KIAA0825: variants seen among roughly 807,000 people sequenced by gnomAD.
KIAA0825 encodes the protein uncharacterized protein KIAA0825.
KIAA0825 carries 119 observed loss-of-function variants against 147.6 expected under a neutral mutation model. That is an observed-to-expected ratio of 0.81 (90% CI 0.69 to 0.94). The LOEUF (loss-of-function observed/expected upper bound fraction) is 0.94, where lower values mean the gene tolerates loss of function less well. KIAA0825 is among the 40% of genes least tolerant of loss of function. The pLI is 0.00. For missense variants in KIAA0825, 1,381 were observed against 1,472.7 expected (o/e 0.94, Z 1.02); for synonymous variants, 470 against 518.1 (o/e 0.91, Z 1.26).
At chr5:94,515,395 T>A (rs949953141) in intron 5 of KIAA0825, among the ~76,000 whole-genome samples, 9 of 152,206 alleles carry the variant, frequency 5.9e-5, no homozygotes, top group Admixed American at 3.3e-4. Flanking sequence ...ATGCTAATTG[T>A]AAATTTCTAG....
At chr5:94,194,554 C>A (rs1770962200) in intron 20 of KIAA0825, among the ~76,000 whole-genome samples, 1 of 152,294 alleles carries the variant, frequency 6.6e-6, no homozygotes, top group East Asian at 1.9e-4. Context: ...AATATTCCAC[C>A]TCCAAGCCAA....
intron 5 of KIAA0825, among the ~76,000 whole-genome samples, chr5:94,487,875 G>T (rs1345968177): frequency 1.3e-5 from 2 of 152,132 alleles, no homozygotes; most frequent in Non-Finnish European, 2.9e-5. Context: ...GATCACCTGA[G>T]CCCGGAAAGT....
At chr5:94,367,395 G>A (rs1746020676) in intron 20 of KIAA0825, among the ~76,000 whole-genome samples, 1 of 152,158 alleles carries the variant, frequency 6.6e-6, no homozygotes, top group African/African-American at 2.4e-5. Context: ...CTACTTAGGA[G>A]GCTGAGGCAG....
At chr5:94,160,269 G>T (rs1767425642) in intron 20 of KIAA0825, among the ~76,000 whole-genome samples, 3 of 151,824 alleles carry the variant, frequency 2.0e-5, no homozygotes, top group Admixed American at 1.3e-4. Context: ...ATGTAATTCA[G>T]CATCTTTAAA....
intron 2 of KIAA0825, among the ~76,000 whole-genome samples, chr5:94,548,393 A>ATCTT (rs1175528001): frequency 6.6e-6 from 1 of 152,170 alleles, no homozygotes; most frequent in Non-Finnish European, 1.5e-5. Flanking sequence ...GTAACCTCAA[A>ATCTT]TCTAAAAAAC....
rs998793550 is a variant in KIAA0825, at chr5:94,427,780, G to C, written c.2498-10415C>G. On this transcript the variant is annotated intron_variant, in intron 14 of 20. Transcript: ENST00000682413. Reference sequence around the variant, plus strand: ...ACTCCCCCACTATTTTTGTGTGGCTGTCTAAACCTTTTCATAGGTCTAGAT... The same window carrying C: ...ACTCCCCCACTATTTTTGTGTGGCTCTCTAAACCTTTTCATAGGTCTAGAT... Among the ~76,000 whole-genome samples the C allele has an allele frequency of 5.3e-5, 8 of 152,088 alleles. No homozygotes were observed. The South Asian group carries it at 1.7e-3, about 32-fold the overall frequency.
intron 20 of KIAA0825, among the ~76,000 whole-genome samples, chr5:94,201,131 G>A (rs1032378318): frequency 1.3e-5 from 2 of 150,264 alleles, no homozygotes; most frequent in Non-Finnish European, 3.0e-5. Context: ...TGAAGTGGAA[G>A]GAACAGGTGC....
chr5:94,281,838 G>A (rs1287690340), intron 20 of KIAA0825, among the ~76,000 whole-genome samples: 3 of 151,948 alleles, frequency 2.0e-5, no homozygotes, highest in South Asian at 2.1e-4. Context: ...GCTGCTGTAC[G>A]GAGACCTATC....
At chr5:94,224,241 C>T (rs1189219519) in intron 20 of KIAA0825, among the ~76,000 whole-genome samples, 5 of 151,118 alleles carry the variant, frequency 3.3e-5, no homozygotes, top group East Asian at 3.9e-4. Flanking sequence ...GGATTACAGC[C>T]GCCCACCACC....
Position 94,433,041 on chromosome 5 carries a change from T to C in KIAA0825, c.2497+6941A>G, listed in dbSNP as rs966854674. 3.9e-5 allele frequency among the ~76,000 whole-genome samples: 6 copies of C among 152,280 alleles called. No homozygotes were observed. In the East Asian group the frequency reaches 1.2e-3, roughly 29 times the overall value. On this transcript the variant is annotated intron_variant, in intron 14 of 20. Transcript: ENST00000682413. ...GATTCATTCATTTTATTTTATTTTA[T>C]TTTATTTTTTGAGATGGAGTCTCGC...
rs1229327335 is a variant in KIAA0825 at position 94,366,641 on chromosome 5, G to T, written c.3710+17727C>A. On this transcript the variant is annotated intron_variant, in intron 20 of 20. Transcript: ENST00000682413. ...GCCTTGTACTAAATACCTGCTAAAG[G>T]TTAAGTTTTTCTTATTTTCCCAGCC... is the stretch of plus-strand genomic sequence containing the variant. 3.3e-5 allele frequency among the ~76,000 whole-genome samples: 5 copies of T among 152,230 alleles called. No individual in the cohort carries two copies. The East Asian group carries it at 9.6e-4, about 29-fold the overall frequency.
chr5:94,605,140 T>C (rs1787255153), intron 1 of KIAA0825, among the ~76,000 whole-genome samples: 1 of 152,120 alleles, frequency 6.6e-6, no homozygotes, highest in Non-Finnish European at 1.5e-5. Flanking sequence ...TAAACACCTC[T>C]ATGTAAATGA....
At position 94,233,111 on chromosome 5, in the gene KIAA0825, G is replaced by A. The variant is rs551204129; in HGVS notation, c.3711-78987C>T. ...TTTTGATAAGTGACAGAATTCTGCC[G>A]AAGGCCAGAGGCAAAAAGAGGCAAA... On this transcript the variant is annotated intron_variant, in intron 20 of 20. Coordinates refer to ENST00000682413, the MANE Select transcript of KIAA0825 (RefSeq NM_001145678.3). Among the ~76,000 whole-genome samples the A allele has an allele frequency of 2.3e-4, 35 of 152,232 alleles. No homozygotes were observed. In the South Asian group the frequency reaches 4.4e-3, roughly 19 times the overall value.
chr5:94,389,816 A>G (rs1392513075), intron 18 of KIAA0825, among the ~76,000 whole-genome samples: 1 of 152,160 alleles, frequency 6.6e-6, no homozygotes, highest in African/African-American at 2.4e-5. Context: ...TGTTTTTGTA[A>G]TAGTTACAAG....
intron 1 of KIAA0825, among the ~76,000 whole-genome samples, chr5:94,587,486 G>A (rs1783529993): frequency 6.6e-6 from 1 of 152,090 alleles, no homozygotes; most frequent in African/African-American, 2.4e-5. Context: ...CAGCTTACAA[G>A]GGATGTGAAG....
chr5:94,566,162 C>T (rs557906184), intron 2 of KIAA0825, among the ~76,000 whole-genome samples: 1 of 152,156 alleles, frequency 6.6e-6, no homozygotes, highest in East Asian at 1.9e-4. Context: ...TTTTCTTAAT[C>T]CATTAATCTG....
intron 20 of KIAA0825, among the ~76,000 whole-genome samples, chr5:94,237,455 G>A (rs1775112000): frequency 1.3e-5 from 2 of 152,242 alleles, no homozygotes; most frequent in East Asian, 1.9e-4. Context: ...TGTGTTTGAG[G>A]AAAAGAAAGC....
chr5:94,610,491 C>T (rs1348196406), intron 1 of KIAA0825, among the ~76,000 whole-genome samples: 3 of 143,578 alleles, frequency 2.1e-5, no homozygotes, highest in Non-Finnish European at 4.5e-5. Flanking sequence ...GGGCTGGGCA[C>T]GGTGGCTCAC....
intron 20 of KIAA0825, among the ~76,000 whole-genome samples, chr5:94,244,900 G>T (rs1414838202): frequency 2.6e-5 from 4 of 152,126 alleles, no homozygotes; most frequent in Non-Finnish European, 5.9e-5. Context: ...GGGTACATAT[G>T]CTTCCATTTA....
Sources: gnomAD v4.1 joint callset for allele counts (sites outside exome capture counted in the v4.1 genomes callset) on GRCh38, gnomAD v4.1.1 for gene constraint, MANE v1.5 for transcripts, NCBI Gene and HGNC (gene_info 2026-07-23, HGNC 2026-07-21) for gene names.